The following ANO2 variants were observed in gnomAD, a reference collection of about 807,000 sequenced individuals.
ANO2 encodes the protein anoctamin-2.
Under a neutral mutation model 124.2 loss-of-function variants are expected in ANO2, and 101 were observed. The observed-to-expected ratio is 0.81, with a 90% CI of 0.69 to 0.96. ANO2 has a LOEUF of 0.96. Ranked by LOEUF, ANO2 falls within the 40% of genes least tolerant of loss-of-function variation. ANO2 has a pLI of 0.00. For missense variants in ANO2, 1,293 were observed against 1,274.5 expected (o/e 1.01, Z -0.22); for synonymous variants, 486 against 482.5 (o/e 1.01, Z -0.09).
intron 4 of ANO2, among the ~76,000 whole-genome samples, chr12:5,846,030 T>A (rs759404261): frequency 2.0e-5 from 3 of 152,270 alleles, no homozygotes; most frequent in African/African-American, 4.8e-5. Flanking sequence ...AGCGGTTTTA[T>A]GAATCTTTTT....
At chr12:5,778,806 G>A (rs1161835936) in intron 10 of ANO2, among the ~76,000 whole-genome samples, 2 of 152,214 alleles carry the variant, frequency 1.3e-5, no homozygotes, top group Non-Finnish European at 2.9e-5. Context: ...GTCCAGAGCA[G>A]TCCAAAAACA....
chr12:5,775,248 TAAGAG>T (rs1381503872), intron 10 of ANO2, among the ~76,000 whole-genome samples: 5 of 151,712 alleles, frequency 3.3e-5, no homozygotes, highest in African/African-American at 1.2e-4. Context: ...TACTAACGGA[TAAGAG>T]AATAGAAATA....
rs1297919622 is a variant in ANO2 at position 5,850,114 on chromosome 12, A to G, written c.633+3929T>C. Reference sequence around the variant, plus strand: ...GCTCCACTACAAGCCATTGCCTTCTATGATAAAAAGAAGATCTGGGGCCGG... The same window carrying G: ...GCTCCACTACAAGCCATTGCCTTCTGTGATAAAAAGAAGATCTGGGGCCGG... On this transcript the variant is annotated intron_variant, in intron 4 of 24. Transcript: ENST00000682330. Among the ~76,000 whole-genome samples the G allele has an allele frequency of 4.6e-5, 7 of 152,146 alleles. No individual in the cohort carries two copies. The East Asian group carries it at 1.2e-3, about 25-fold the overall frequency.
intron 10 of ANO2, among the ~76,000 whole-genome samples, chr12:5,774,740 C>T (rs190439441): frequency 6.6e-6 from 1 of 152,244 alleles, no homozygotes; most frequent in Admixed American, 6.5e-5. Flanking sequence ...ACAGGCTGTG[C>T]CCATCCTGAA....
chr12:5,798,581 A>AGTCCACCAT (rs1220300688), intron 10 of ANO2, among the ~76,000 whole-genome samples: 1 of 152,180 alleles, frequency 6.6e-6, no homozygotes, highest in Non-Finnish European at 1.5e-5. Flanking sequence ...CAGGGCAGTG[A>AGTCCACCAT]GTCCACCATG....
chr12:5,704,897 G>A (rs899670591), intron 14 of ANO2, among the ~76,000 whole-genome samples: 1 of 152,128 alleles, frequency 6.6e-6, no homozygotes, highest in Non-Finnish European at 1.5e-5. Context: ...CCTTAAGGTG[G>A]TTATATTTTT....
At chr12:5,677,269 C>T (rs1948290826) in intron 14 of ANO2, among the ~76,000 whole-genome samples, 1 of 152,102 alleles carries the variant, frequency 6.6e-6, no homozygotes. Flanking sequence ...ACAGGAAATG[C>T]AAACCATTAT....
At position 5,878,781 on chromosome 12, in the gene ANO2, T is replaced by C. The variant is rs1938286629; in HGVS notation, c.535-24640A>G. 2.6e-5 allele frequency among the ~76,000 whole-genome samples: 4 copies of C among 152,352 alleles called. No individual in the cohort carries two copies. The South Asian group carries it at 8.3e-4, about 32-fold the overall frequency. On this transcript the variant is annotated intron_variant, in intron 3 of 24. Coordinates refer to ENST00000682330, the MANE Select transcript of ANO2 (RefSeq NM_001364791.2). The stretch of plus-strand genomic sequence containing the variant: ...GCTGGAAACAGGATCTGTTGTGACT[T>C]AGAGATGCCAGGAAAGGCAGCACTG...
At chr12:5,809,738 T>C (rs1953326511) in intron 7 of ANO2, among the ~76,000 whole-genome samples, 1 of 152,218 alleles carries the variant, frequency 6.6e-6, no homozygotes. Flanking sequence ...CTTGCTTCAC[T>C]TCCAGGACAA....
chr12:5,605,206 C>T (rs1212687456), intron 19 of ANO2, among the ~76,000 whole-genome samples: 5 of 152,200 alleles, frequency 3.3e-5, no homozygotes, highest in Admixed American at 2.0e-4. Context: ...TATTCCTTTT[C>T]CTGATACCTG....
chr12:5,706,434 T>C (rs987871950), intron 14 of ANO2, among the ~76,000 whole-genome samples: 17 of 151,998 alleles, frequency 1.1e-4, no homozygotes, highest in African/African-American at 4.1e-4. Flanking sequence ...CCCCGGGGCC[T>C]TTGCACTTGC....
At chr12:5,794,027 T>C (rs1952775427) in intron 10 of ANO2, among the ~76,000 whole-genome samples, 1 of 152,166 alleles carries the variant, frequency 6.6e-6, no homozygotes, top group Admixed American at 6.5e-5. Context: ...CAGAATGTAA[T>C]GGCATGGAAC....
Position 5,648,851 on chromosome 12 carries a change from T to C in ANO2, c.1546-1050A>G, listed in dbSNP as rs1290258545. Among the ~76,000 whole-genome samples the C allele has an allele frequency of 3.9e-5, 6 of 152,114 alleles. No homozygotes were observed. In the East Asian group the frequency reaches 1.2e-3, roughly 29 times the overall value. On this transcript the variant is annotated intron_variant, in intron 14 of 24. Coordinates refer to ENST00000682330, the MANE Select transcript of ANO2 (RefSeq NM_001364791.2). ...CTGAATGGGGCTCAGCGGTGAGCGC[T>C]CCAGGGCCCCTGCTCTCTCTCCTCT...
In ANO2 at chr12:5,805,018, G is replaced by C. The variant is rs147103454; in HGVS notation, c.990+1034C>G. ...CTCCTTTTCCTTTAAATCTGATGCG[G>C]GACTTTTCAGGAAATTAAACACCGA... On this transcript the variant is annotated intron_variant, in intron 9 of 24. Transcript: ENST00000682330. Among the ~76,000 whole-genome samples the C allele has an allele frequency of 9.9e-3, 1,503 of 152,130 alleles. 11 individuals carry two copies. Among genetic ancestry groups the C allele is most frequent in the Middle Eastern group, 0.024 (7 of 294 alleles).
intron 10 of ANO2, among the ~76,000 whole-genome samples, chr12:5,794,526 G>T (rs1391296619): frequency 6.6e-6 from 1 of 152,224 alleles, no homozygotes; most frequent in Admixed American, 6.5e-5. Flanking sequence ...TTTCACCTCA[G>T]TCGTCCTTCA....
chr12:5,776,893 TA>T (rs1406557279), intron 10 of ANO2, among the ~76,000 whole-genome samples: 1 of 152,184 alleles, frequency 6.6e-6, no homozygotes, highest in Non-Finnish European at 1.5e-5. Context: ...AACAATGCCA[TA>T]ACCTGGAGGA....
In ANO2 at chr12:5,941,060, G is replaced by A. The variant is rs1044778830; in HGVS notation, c.22+4136C>T. On this transcript the variant is annotated intron_variant, in intron 1 of 24. Coordinates refer to ENST00000682330, the MANE Select transcript of ANO2 (RefSeq NM_001364791.2). ...AAATGTGTAGAATAGGCATATCCAT[G>A]GAGACAGAAAGTGGATTCGCGGTTG... Among the ~76,000 whole-genome samples the A allele has an allele frequency of 2.6e-5, 4 of 152,202 alleles. No individual in the cohort carries two copies. In the East Asian group the frequency reaches 7.7e-4, roughly 29 times the overall value.
At chr12:5,786,015 G>C (rs1407677148) in intron 10 of ANO2, among the ~76,000 whole-genome samples, 1 of 151,510 alleles carries the variant, frequency 6.6e-6, no homozygotes, top group Non-Finnish European at 1.5e-5. Flanking sequence ...ACAGAGATGG[G>C]GGTGTTCAGG....
At chr12:5,884,596 C>T (rs895102947) in intron 3 of ANO2, among the ~76,000 whole-genome samples, 5 of 152,344 alleles carry the variant, frequency 3.3e-5, no homozygotes, top group African/African-American at 1.2e-4. Flanking sequence ...CACCAGGAAG[C>T]CCTTCCTGGT....
Sources: allele counts gnomAD v4.1 joint callset (sites outside exome capture counted in the v4.1 genomes callset), GRCh38; gene constraint gnomAD v4.1.1; transcripts MANE v1.5; gene names NCBI Gene and HGNC (gene_info 2026-07-23, HGNC 2026-07-21).